Variants in TBCEL observed in about 807,000 individuals in gnomAD.
The protein encoded by TBCEL is tubulin folding cofactor E like.
In TBCEL, 15 loss-of-function variants were observed where a neutral mutation model predicts 44.2. The ratio of observed to expected loss-of-function variants is 0.34; its 90% CI spans 0.23 to 0.52. The LOEUF (loss-of-function observed/expected upper bound fraction) is 0.52, where lower values mean the gene tolerates loss of function less well. Ranked by LOEUF, TBCEL falls within the 20% of genes least tolerant of loss-of-function variation. TBCEL has a pLI of 0.95. For missense variants in TBCEL, 319 were observed against 506.3 expected (o/e 0.63, Z 3.55); for synonymous variants, 171 against 185.4 (o/e 0.92, Z 0.63).
chr11:121,024,824 G>A (rs560416957), intron 1 of TBCEL, among the ~76,000 whole-genome samples: 1 of 152,298 alleles, frequency 6.6e-6, no homozygotes, highest in African/African-American at 2.4e-5. Context: ...CTTACCAGGG[G>A]CTGATAAAAG....
At chr11:121,042,257 G>A (rs1945347643) in intron 2 of TBCEL, among the ~76,000 whole-genome samples, 2 of 152,052 alleles carry the variant, frequency 1.3e-5, no homozygotes, top group Admixed American at 6.6e-5. Context: ...AACTTCCTTG[G>A]CTTTTTTGTT....
chr11:121,050,677 A>T (rs1427460445), intron 4 of TBCEL, among the ~76,000 whole-genome samples: 1 of 151,734 alleles, frequency 6.6e-6, no homozygotes, highest in African/African-American at 2.4e-5. Context: ...GGGAGGAAGT[A>T]GCCACTCAGG....
In TBCEL at chr11:121,087,115, A is replaced by G; in HGVS notation, c.*19A>G. The stretch of plus-strand genomic sequence containing the variant: ...AAAATAACCTCTACCAGCCTTGTGA[A>G]AAACATACACATAAGGACTTGTTGC... On this transcript the variant is annotated 3_prime_UTR_variant, in exon 9 of 9. Transcript: ENST00000683345. 6.2e-7 allele frequency: 1 copy of G among 1,601,246 alleles called. No homozygotes were observed. Among genetic ancestry groups the G allele is most frequent in the Non-Finnish European group, 8.5e-7 (1 of 1,174,116 alleles).
chr11:121,047,935 T>TAAA (rs141948107), intron 4 of TBCEL: 164 of 115,104 alleles, frequency 1.4e-3, no homozygotes, highest in South Asian at 3.0e-3. Context: ...ATCTTTAATT[T>TAAA]AAAAAAAAAA....
intron 3 of TBCEL, among the ~76,000 whole-genome samples, chr11:121,046,760 G>C (rs1002475563): frequency 2.6e-5 from 4 of 152,066 alleles, no homozygotes; most frequent in African/African-American, 9.7e-5. Flanking sequence ...TTTTAGTAGA[G>C]ATTGTAAGAG....
intron 8 of TBCEL, among the ~76,000 whole-genome samples, chr11:121,068,017 C>T (rs1565502944): frequency 6.6e-6 from 1 of 152,180 alleles, no homozygotes; most frequent in Non-Finnish European, 1.5e-5. Flanking sequence ...AGGACTTAGT[C>T]CTTGGACCTC....
intron 8 of TBCEL, among the ~76,000 whole-genome samples, chr11:121,065,273 C>G (rs1384891189): frequency 6.6e-6 from 1 of 152,150 alleles, no homozygotes; most frequent in African/African-American, 2.4e-5. Context: ...GAAGAAAATT[C>G]TCTCAGGCAG....
chr11:121,030,548 A>T (rs1047175178), intron 1 of TBCEL, among the ~76,000 whole-genome samples: 30 of 152,164 alleles, frequency 2.0e-4, no homozygotes, highest in African/African-American at 6.8e-4. Flanking sequence ...AATTGGGCAA[A>T]ATTGGGATAT....
chr11:121,056,592 A>G (rs1945625319), intron 6 of TBCEL, among the ~76,000 whole-genome samples: 1 of 151,852 alleles, frequency 6.6e-6, no homozygotes, highest in African/African-American at 2.4e-5. Context: ...ATCATTTTGC[A>G]TTCCCACCAG....
chr11:121,052,586 A>G (rs1313009272), intron 4 of TBCEL, among the ~76,000 whole-genome samples: 4 of 151,846 alleles, frequency 2.6e-5, no homozygotes, highest in Non-Finnish European at 4.4e-5. Flanking sequence ...CATTTGCTGG[A>G]CATCTAGCAT....
intron 8 of TBCEL, among the ~76,000 whole-genome samples, chr11:121,074,248 G>GT (rs1406960430): frequency 6.6e-6 from 1 of 152,020 alleles, no homozygotes; most frequent in Non-Finnish European, 1.5e-5. Context: ...ATACTACAAA[G>GT]TAAGTCTTCT....
chr11:121,082,821 G>A (rs1946149597), intron 8 of TBCEL, among the ~76,000 whole-genome samples: 1 of 152,182 alleles, frequency 6.6e-6, no homozygotes, highest in African/African-American at 2.4e-5. Context: ...GCGCACCTTT[G>A]TAAGGAATCA....
In TBCEL at chr11:121,059,986, A is replaced by G; in HGVS notation, c.857A>G (p.Lys286Arg). Residue 286 changes from lysine (K) to arginine (R), a missense_variant, in exon 8 of 9, where the codon AAA becomes AGA. Physicochemically the swap from Lys to Arg is conservative, Grantham distance 26. Transcript: ENST00000683345. Reference protein sequence around the residue: ...LVIARLPSVSKLNGSVVTDGE... With the variant: ...LVIARLPSVSRLNGSVVTDGE... ...ACTTATAGATTGCCATCAGTTTCCA[A>G]ACTTAATGGCAGCGTTGTTACTGAT... The G allele has an allele frequency of 1.2e-6, 2 of 1,610,534 alleles. No homozygotes were observed. Among genetic ancestry groups the G allele is most frequent in the East Asian group, 2.2e-5 (1 of 44,736 alleles).
chr11:121,031,239 T>A (rs560930223), intron 1 of TBCEL, among the ~76,000 whole-genome samples: 1 of 152,326 alleles, frequency 6.6e-6, no homozygotes, highest in East Asian at 1.9e-4. Flanking sequence ...AGTATGTGCG[T>A]CTTCAACTTT....
chr11:121,058,643 A>G (rs904522373), intron 7 of TBCEL, among the ~76,000 whole-genome samples, 172 bp downstream of exon 7: 3 of 151,906 alleles, frequency 2.0e-5, no homozygotes, highest in African/African-American at 7.2e-5. Flanking sequence ...GAATGCGAGC[A>G]CTATGATGAG....
intron 2 of TBCEL, among the ~76,000 whole-genome samples, chr11:121,037,493 G>A (rs893188441): frequency 6.6e-6 from 1 of 152,144 alleles, no homozygotes; most frequent in Non-Finnish European, 1.5e-5. Flanking sequence ...GCCTAATTAC[G>A]CTGACTTGGT....
chr11:121,025,900 A>G (rs1028105470), intron 1 of TBCEL, among the ~76,000 whole-genome samples: 1 of 151,872 alleles, frequency 6.6e-6, no homozygotes, highest in Non-Finnish European at 1.5e-5. Flanking sequence ...AATTTTTTGT[A>G]TGCGTGTGTG....
At position 121,086,846 on chromosome 11, in the gene TBCEL, G is replaced by A; in HGVS notation, c.1025G>A (p.Ser342Asn). 6.2e-7 allele frequency: 1 copy of A among 1,614,032 alleles called. No homozygotes were observed. Among genetic ancestry groups the A allele is most frequent in the Non-Finnish European group, 8.5e-7 (1 of 1,179,958 alleles). The change falls in exon 9 of 9, where the codon AGC becomes AAC. Residue 342 changes from serine to asparagine, a missense_variant. Physicochemically the swap from Ser to Asn is conservative, Grantham distance 46. Coordinates refer to ENST00000683345, the MANE Select transcript of TBCEL (RefSeq NM_001363644.2). ...GCAGAAGTGGACCTAAGACCCCAGA[G>A]CAGTGCAAAAGTAGAAGTCCACTTT... ...PLAEVDLRPQ[S>N]SAKVEVHFND...
chr11:121,087,764 A>G lies in TBCEL; in HGVS notation c.*668A>G, dbSNP rs565710145. Reference sequence around the variant, plus strand: ...AGTAAGAAGCTATAACTCTGTTAGAACCTCGAAGAGTAGATGTAGAATGAA... The same window carrying G: ...AGTAAGAAGCTATAACTCTGTTAGAGCCTCGAAGAGTAGATGTAGAATGAA... On this transcript the variant is annotated 3_prime_UTR_variant, in exon 9 of 9. Coordinates refer to ENST00000683345, the MANE Select transcript of TBCEL (RefSeq NM_001363644.2). 2.0e-5 allele frequency: 3 copies of G among 152,318 alleles called. No individual in the cohort carries two copies. The highest frequency in any genetic ancestry group is 2.9e-5 in the Non-Finnish European group (2 of 68,050). The allele number at this position is 152,318 out of a possible 1,614,324, so 9.4% of individuals were successfully genotyped here.
Sources: allele counts gnomAD v4.1 joint callset (sites outside exome capture counted in the v4.1 genomes callset), GRCh38; gene constraint gnomAD v4.1.1; transcripts MANE v1.5; gene names NCBI Gene and HGNC (gene_info 2026-07-23, HGNC 2026-07-21).